The following PDE4D variants were observed in gnomAD, a reference collection of about 807,000 sequenced individuals.
PDE4D encodes the protein 3',5'-cyclic-AMP phosphodiesterase 4D.
In PDE4D, 24 loss-of-function variants were observed where a neutral mutation model predicts 87.4. The ratio of observed to expected loss-of-function variants is 0.27; its 90% CI spans 0.20 to 0.39. The LOEUF (loss-of-function observed/expected upper bound fraction) is 0.39. Ranked by LOEUF, PDE4D falls within the 10% of genes least tolerant of loss-of-function variation. The pLI is 1.00. For synonymous variants in PDE4D, 384 were observed against 383.2 expected (o/e 1.00, Z -0.02); for missense variants, 714 against 1,041.0 (o/e 0.69, Z 4.32).
At chr5:59,877,625 A>G (rs1748804390) in intron 1 of PDE4D, among the ~76,000 whole-genome samples, 1 of 151,914 alleles carries the variant, frequency 6.6e-6, no homozygotes, top group African/African-American at 2.4e-5. Context: ...CAACACGTGA[A>G]ACCTCATCTC....
intron 5 of PDE4D, among the ~76,000 whole-genome samples, chr5:59,140,499 T>C (rs1777733213): frequency 6.6e-6 from 1 of 152,178 alleles, no homozygotes; most frequent in Non-Finnish European, 1.5e-5. Flanking sequence ...GGGTTGGAAA[T>C]ACAGATTCTT....
At chr5:59,959,292 A>C (rs1759207444) in intron 3 of PDE4D, among the ~76,000 whole-genome samples, 1 of 152,194 alleles carries the variant, frequency 6.6e-6, no homozygotes. Context: ...ATACTGCCCA[A>C]AGCAATGTAC....
intron 1 of PDE4D, among the ~76,000 whole-genome samples, chr5:59,628,759 G>A (rs1226185209): frequency 6.6e-6 from 1 of 152,200 alleles, no homozygotes; most frequent in Non-Finnish European, 1.5e-5. Flanking sequence ...AAGGGACTGT[G>A]TGTGCTAGGA....
At chr5:60,214,977 C>G (rs959396298) in intron 1 of PDE4D, among the ~76,000 whole-genome samples, 7 of 152,108 alleles carry the variant, frequency 4.6e-5, no homozygotes, top group Non-Finnish European at 8.8e-5. Context: ...TCCCATGCTA[C>G]TCTCAGAATC....
intron 1 of PDE4D, among the ~76,000 whole-genome samples, chr5:59,699,509 G>A (rs1169419814): frequency 6.6e-6 from 1 of 152,104 alleles, no homozygotes; most frequent in Non-Finnish European, 1.5e-5. Flanking sequence ...AAGACTGCAG[G>A]AAATTAAGAA....
chr5:59,616,679 CT>C (rs1438258787), intron 1 of PDE4D, among the ~76,000 whole-genome samples: 1 of 151,732 alleles, frequency 6.6e-6, no homozygotes, highest in Non-Finnish European at 1.5e-5. Flanking sequence ...TAAAAGTAAA[CT>C]GCTAAAGATA....
chr5:60,484,294 A>G (rs1484282370), intron 1 of PDE4D, among the ~76,000 whole-genome samples: 1 of 152,076 alleles, frequency 6.6e-6, no homozygotes. Flanking sequence ...GGCAGCTCCA[A>G]ATGTAGGCTG....
At chr5:59,095,357 A>G (rs377229817) in intron 5 of PDE4D, among the ~76,000 whole-genome samples, 1 of 151,552 alleles carries the variant, frequency 6.6e-6, no homozygotes, top group South Asian at 2.1e-4. Context: ...CCAAAAACTA[A>G]AAAGATGAAG....
intron 1 of PDE4D, among the ~76,000 whole-genome samples, chr5:59,287,604 G>A (rs57516309): frequency 0.069 from 10,468 of 151,984 alleles, 482 homozygotes; most frequent in South Asian, 0.1. Flanking sequence ...GCAGGCTTTG[G>A]GCAAGACCCA....
intron 1 of PDE4D, among the ~76,000 whole-genome samples, chr5:59,508,712 C>A (rs1457504494): frequency 6.6e-6 from 1 of 151,572 alleles, no homozygotes; most frequent in Non-Finnish European, 1.5e-5. Flanking sequence ...AGTAAATGAG[C>A]AAAAGACAAT....
chr5:59,968,926 C>T (rs532470757), intron 3 of PDE4D, among the ~76,000 whole-genome samples: 125 of 150,904 alleles, frequency 8.3e-4, no homozygotes, highest in African/African-American at 2.9e-3. Context: ...TTATTATTGA[C>T]AATTTGAGAT....
intron 1 of PDE4D, among the ~76,000 whole-genome samples, chr5:59,541,306 A>G (rs957775385): frequency 2.6e-5 from 4 of 152,242 alleles, no homozygotes; most frequent in African/African-American, 7.2e-5. Context: ...ACATGACACC[A>G]AAGTTCATAA....
At chr5:59,370,959 G>C (rs541842448) in intron 1 of PDE4D, among the ~76,000 whole-genome samples, 1 of 152,180 alleles carries the variant, frequency 6.6e-6, no homozygotes, top group South Asian at 2.1e-4. Context: ...TGTCCAACCC[G>C]TGGCTTGTGG....
intron 1 of PDE4D, chr5:59,529,249 T>C: frequency 2.1e-6 from 1 of 470,738 alleles, no homozygotes; most frequent in Admixed American, 2.4e-5. Flanking sequence ...TAACATCTCA[T>C]ATTAAGTCTG....
In PDE4D at chr5:60,080,444, T is replaced by A. The variant is rs543030779; in HGVS notation, c.43-91727A>T. The stretch of plus-strand genomic sequence containing the variant: ...AGAATAGGAGTGGTGAGAGAGGGCA[T>A]CCTTGTCTTGTACCAGTTTTCAAAT... On this transcript the variant is annotated intron_variant, in intron 2 of 16. Coordinates refer to the PDE4D transcript ENST00000502484. Among the ~76,000 whole-genome samples the A allele has an allele frequency of 2.6e-5, 4 of 152,336 alleles. No individual in the cohort carries two copies. The East Asian group carries it at 5.8e-4, about 22-fold the overall frequency.
intron 5 of PDE4D, among the ~76,000 whole-genome samples, chr5:59,065,815 C>T (rs1272736108): frequency 6.6e-6 from 1 of 152,060 alleles, no homozygotes; most frequent in Non-Finnish European, 1.5e-5. Context: ...TAAGATTGTC[C>T]TTATGATCTA....
At chr5:60,239,679 T>C (rs969812562) in intron 1 of PDE4D, among the ~76,000 whole-genome samples, 1 of 152,124 alleles carries the variant, frequency 6.6e-6, no homozygotes, top group Non-Finnish European at 1.5e-5. Context: ...TACATGTTTC[T>C]AATTTTTGCT....
At chr5:59,586,451 ACT>A in intron 1 of PDE4D, 2 of 1,559,384 alleles carry the variant, frequency 1.3e-6, no homozygotes, top group Non-Finnish European at 1.7e-6. Flanking sequence ...ATGAATTCCA[ACT>A]CTCTTGTTTG....
intron 1 of PDE4D, among the ~76,000 whole-genome samples, chr5:60,264,382 T>C (rs542443026): frequency 2.6e-5 from 4 of 152,198 alleles, no homozygotes; most frequent in East Asian, 1.9e-4. Context: ...AATAGGACAG[T>C]ACCTTGGCCT....
Sources: gnomAD v4.1 joint callset for allele counts (sites outside exome capture counted in the v4.1 genomes callset) on GRCh38, gnomAD v4.1.1 for gene constraint, MANE v1.5 for transcripts, NCBI Gene and HGNC (gene_info 2026-07-23, HGNC 2026-07-21) for gene names.